The following TMEM266 variants were observed in gnomAD, a reference collection of about 807,000 sequenced individuals.
The protein encoded by TMEM266 is transmembrane protein 266, also known as Hv1 related protein 1.
Under a neutral mutation model 50.5 loss-of-function variants are expected in TMEM266, and 33 were observed. That is an observed-to-expected ratio of 0.65 (90% CI 0.50 to 0.87). The LOEUF is 0.87. TMEM266 is among the 40% of genes least tolerant of loss of function. TMEM266 has a pLI of 0.00. For synonymous variants in TMEM266, 310 were observed against 292.3 expected (o/e 1.06, Z -0.62); for missense variants, 655 against 695.1 (o/e 0.94, Z 0.65).
intron 1 of TMEM266, among the ~76,000 whole-genome samples, chr15:76,082,885 C>T (rs1474792426): frequency 6.6e-6 from 1 of 152,140 alleles, no homozygotes; most frequent in Non-Finnish European, 1.5e-5. Flanking sequence ...AGGAGAATCA[C>T]TTGAGCCCAG....
At chr15:76,138,844 T>C (rs2037633029) in intron 3 of TMEM266, among the ~76,000 whole-genome samples, 1 of 152,188 alleles carries the variant, frequency 6.6e-6, no homozygotes, top group African/African-American at 2.4e-5. Flanking sequence ...ACAAACATAC[T>C]TCCTGAAGGT....
chr15:76,190,581 G>A (rs2142080559), intron 8 of TMEM266, among the ~76,000 whole-genome samples: 1 of 152,242 alleles, frequency 6.6e-6, no homozygotes, highest in South Asian at 2.1e-4. Context: ...GCTGGACTTG[G>A]GGGATGGATG....
intron 4 of TMEM266, among the ~76,000 whole-genome samples, chr15:76,159,611 C>T (rs1209293065): frequency 6.6e-6 from 1 of 152,170 alleles, no homozygotes; most frequent in Non-Finnish European, 1.5e-5. Context: ...ACTCGGTTTC[C>T]AGAATGAAAA....
chr15:76,088,738 A>C (rs541254010), intron 1 of TMEM266, among the ~76,000 whole-genome samples: 6 of 152,136 alleles, frequency 3.9e-5, no homozygotes, highest in Admixed American at 1.3e-4. Flanking sequence ...CGGAGCTTGC[A>C]GTGAGCTGAG....
At chr15:76,104,761 A>G (rs1045609173) in intron 1 of TMEM266, among the ~76,000 whole-genome samples, 2 of 152,138 alleles carry the variant, frequency 1.3e-5, no homozygotes, top group East Asian at 3.9e-4. Flanking sequence ...GAGAAGGTGT[A>G]AAGTAGTCAG....
intron 1 of TMEM266, among the ~76,000 whole-genome samples, chr15:76,062,029 AT>A (rs34958901): frequency 0.041 from 6,237 of 152,170 alleles, 450 homozygotes; most frequent in African/African-American, 0.14. Flanking sequence ...GTATTTAATC[AT>A]TTTTTTAAAG....
At chr15:76,185,463 T>C (rs745609534) in intron 8 of TMEM266, among the ~76,000 whole-genome samples, 5 of 152,190 alleles carry the variant, frequency 3.3e-5, no homozygotes, top group African/African-American at 4.8e-5. Context: ...ATTCTAAAAG[T>C]TTGATTTGAT....
chr15:76,165,006 C>T (rs542720971), intron 5 of TMEM266, among the ~76,000 whole-genome samples: 1 of 152,384 alleles, frequency 6.6e-6, no homozygotes, highest in Non-Finnish European at 1.5e-5. Flanking sequence ...CTAAGGTTTC[C>T]AAACTCTGGC....
chr15:76,157,148 G>T (rs2037939993), intron 4 of TMEM266, among the ~76,000 whole-genome samples: 1 of 152,172 alleles, frequency 6.6e-6, no homozygotes, highest in Non-Finnish European at 1.5e-5. Context: ...AGGCATCTCA[G>T]CTTGTAGTAA....
At chr15:76,094,467 T>A (rs2036895306) in intron 1 of TMEM266, among the ~76,000 whole-genome samples, 1 of 152,134 alleles carries the variant, frequency 6.6e-6, no homozygotes, top group African/African-American at 2.4e-5. Flanking sequence ...TCTGTCACAT[T>A]GGTCTATGTA....
chr15:76,130,436 G>A (rs1435348500), intron 1 of TMEM266, among the ~76,000 whole-genome samples: 2 of 152,172 alleles, frequency 1.3e-5, no homozygotes, highest in Non-Finnish European at 2.9e-5. Context: ...AGCTACTTGG[G>A]AGGCTGAGGC....
At chr15:76,170,024 G>C in intron 6 of TMEM266, 152 bp downstream of exon 6, 4 of 727,514 alleles carry the variant, frequency 5.5e-6, no homozygotes, top group Non-Finnish European at 9.5e-6. Flanking sequence ...GGTGGGGCAG[G>C]GAGGGGGAAC....
At chr15:76,073,574 G>A (rs1282732339) in intron 1 of TMEM266, among the ~76,000 whole-genome samples, 1 of 152,172 alleles carries the variant, frequency 6.6e-6, no homozygotes, top group South Asian at 2.1e-4. Flanking sequence ...CCTTAAAACA[G>A]CAGGATAAAA....
chr15:76,150,499 C>T (rs2037822458), intron 3 of TMEM266, among the ~76,000 whole-genome samples: 1 of 152,170 alleles, frequency 6.6e-6, no homozygotes, highest in Non-Finnish European at 1.5e-5. Context: ...CCTTTTAGGA[C>T]ACCTTGAGGG....
chr15:76,116,468 AC>A (rs1399124680), intron 1 of TMEM266, among the ~76,000 whole-genome samples: 4 of 151,818 alleles, frequency 2.6e-5, no homozygotes, highest in African/African-American at 9.7e-5. Context: ...CCCTTCAGAG[AC>A]ACCGTCCTGT....
intron 1 of TMEM266, among the ~76,000 whole-genome samples, chr15:76,104,925 T>C (rs533917424): frequency 2.2e-4 from 34 of 151,860 alleles, no homozygotes; most frequent in Admixed American, 2.0e-3. Context: ...AATCTTTTCT[T>C]ATTGAAAGTT....
chr15:76,115,963 G>A (rs978854628), intron 1 of TMEM266, among the ~76,000 whole-genome samples: 7 of 152,094 alleles, frequency 4.6e-5, no homozygotes, highest in Non-Finnish European at 8.8e-5. Flanking sequence ...GCAGATGCTC[G>A]GTGTTGCTGA....
At chr15:76,099,443 C>A (rs1323702018) in intron 1 of TMEM266, among the ~76,000 whole-genome samples, 1 of 152,246 alleles carries the variant, frequency 6.6e-6, no homozygotes, top group Non-Finnish European at 1.5e-5. Context: ...GAACCGGATA[C>A]CTCAGTTGGA....
intron 1 of TMEM266, among the ~76,000 whole-genome samples, chr15:76,098,860 G>T (rs2036958093): frequency 6.6e-6 from 1 of 152,178 alleles, no homozygotes; most frequent in Admixed American, 6.5e-5. Flanking sequence ...CTTCCCAGCA[G>T]CTTTGTTTAC....
Sources: gnomAD v4.1 joint callset for allele counts (sites outside exome capture counted in the v4.1 genomes callset) on GRCh38, gnomAD v4.1.1 for gene constraint, MANE v1.5 for transcripts, NCBI Gene and HGNC (gene_info 2026-07-23, HGNC 2026-07-21) for gene names.